RALYL: variants seen among roughly 807,000 people sequenced by gnomAD.
RALYL encodes RALY RNA binding protein like, also known as RNA-binding Raly-like protein.
RALYL carries 29 observed loss-of-function variants against 35.1 expected under a neutral mutation model. That is an observed-to-expected ratio of 0.83 (90% CI 0.61 to 1.13). The LOEUF (loss-of-function observed/expected upper bound fraction) is 1.13. Among genes scored for constraint, RALYL ranks in the 50% most tolerant of loss-of-function variants. The pLI is 0.00. For missense variants in RALYL, 359 were observed against 360.4 expected (o/e 1.00, Z 0.03); for synonymous variants, 120 against 127.6 (o/e 0.94, Z 0.40).
At position 84,195,033 on chromosome 8, in the gene RALYL, C is replaced by T. The variant is rs149394310; in HGVS notation, c.-24+10609C>T. Reference sequence around the variant, plus strand: ...AATAGACACGCTCACATAATTAATGCCCTCACAATAGCTCCCTCTGCACAG... The same window carrying T: ...AATAGACACGCTCACATAATTAATGTCCTCACAATAGCTCCCTCTGCACAG... On this transcript the variant is annotated intron_variant, in intron 1 of 8. Coordinates refer to ENST00000521268, the MANE Select transcript of RALYL (RefSeq NM_173848.7). 4.3e-4 allele frequency among the ~76,000 whole-genome samples: 66 copies of T among 152,090 alleles called. 1 individual carries two copies. The East Asian group carries it at 0.01, about 24-fold the overall frequency.
At chr8:84,454,937 C>T (rs1397563575) in intron 1 of RALYL, among the ~76,000 whole-genome samples, 1 of 152,068 alleles carries the variant, frequency 6.6e-6, no homozygotes, top group Admixed American at 6.6e-5. Flanking sequence ...GTAGAGAATA[C>T]TCTTCACACT....
At chr8:84,750,797 C>T (rs1809800116) in intron 2 of RALYL, among the ~76,000 whole-genome samples, 1 of 152,064 alleles carries the variant, frequency 6.6e-6, no homozygotes, top group African/African-American at 2.4e-5. Context: ...GCATAGGGTC[C>T]CCACTAGCAA....
chr8:84,488,702 TGTAA>T (rs1260861359), intron 1 of RALYL, among the ~76,000 whole-genome samples: 1 of 151,984 alleles, frequency 6.6e-6, no homozygotes, highest in Admixed American at 6.6e-5. Context: ...CATACATTTG[TGTAA>T]GTGAGAGGGC....
At chr8:84,550,755 T>C (rs1454504147) in intron 2 of RALYL, among the ~76,000 whole-genome samples, 1 of 151,880 alleles carries the variant, frequency 6.6e-6, no homozygotes, top group Admixed American at 6.6e-5. Context: ...GACAATTTTC[T>C]GCAATGTTGA....
At chr8:84,536,683 A>G (rs979977441) in intron 2 of RALYL, among the ~76,000 whole-genome samples, 1 of 152,220 alleles carries the variant, frequency 6.6e-6, no homozygotes, top group Non-Finnish European at 1.5e-5. Context: ...ACTTTCAGCA[A>G]TGCACCATTA....
chr8:84,623,352 T>C (rs1023756948), intron 2 of RALYL, among the ~76,000 whole-genome samples: 1 of 152,170 alleles, frequency 6.6e-6, no homozygotes, highest in African/African-American at 2.4e-5. Flanking sequence ...TCACTACCCA[T>C]TTTCACTTCA....
At chr8:84,620,044 A>G (rs1018235195) in intron 2 of RALYL, among the ~76,000 whole-genome samples, 5 of 151,586 alleles carry the variant, frequency 3.3e-5, no homozygotes, top group Non-Finnish European at 7.4e-5. Flanking sequence ...CTTCATTTCA[A>G]CTTTGGTGAA....
At chr8:84,739,304 G>GA (rs1309128381) in intron 2 of RALYL, among the ~76,000 whole-genome samples, 2 of 151,642 alleles carry the variant, frequency 1.3e-5, no homozygotes, top group African/African-American at 4.8e-5. Context: ...ACTGGAAAGA[G>GA]AAAAAAGCTA....
chr8:84,641,520 T>G (rs1477374755), intron 2 of RALYL, among the ~76,000 whole-genome samples: 1 of 151,808 alleles, frequency 6.6e-6, no homozygotes, highest in South Asian at 2.1e-4. Context: ...AGATTTAAAA[T>G]TATACAAAAA....
chr8:84,299,419 CT>C (rs138490693), intron 1 of RALYL, among the ~76,000 whole-genome samples: 1,907 of 151,888 alleles, frequency 0.013, 56 homozygotes, highest in African/African-American at 0.043. Context: ...GGATATTGGC[CT>C]GAAGTTTTAT....
chr8:84,855,745 T>C (rs1232907339), intron 5 of RALYL, among the ~76,000 whole-genome samples: 1 of 152,246 alleles, frequency 6.6e-6, no homozygotes, highest in Non-Finnish European at 1.5e-5. Context: ...GCTGTCTAAA[T>C]CCAACCTCTT....
chr8:84,612,478 G>T (rs1240373187), intron 2 of RALYL, among the ~76,000 whole-genome samples: 1 of 151,972 alleles, frequency 6.6e-6, no homozygotes, highest in East Asian at 1.9e-4. Context: ...GCCAGGACAA[G>T]ACCACTAATG....
chr8:84,705,793 G>A (rs1169398863), intron 2 of RALYL: 6 of 743,324 alleles, frequency 8.1e-6, no homozygotes, highest in Non-Finnish European at 1.2e-5. Flanking sequence ...GATCGGGGGA[G>A]GTGAAGGAAA....
intron 1 of RALYL, among the ~76,000 whole-genome samples, chr8:84,523,342 G>A (rs921019695): frequency 6.9e-6 from 1 of 145,804 alleles, no homozygotes; most frequent in Admixed American, 8.0e-5. Flanking sequence ...CATGAGAACA[G>A]CATGGGGAAA....
At chr8:84,208,625 C>T (rs539698584) in intron 1 of RALYL, among the ~76,000 whole-genome samples, 65 of 152,220 alleles carry the variant, frequency 4.3e-4, no homozygotes, top group Non-Finnish European at 9.0e-4. Flanking sequence ...GCCTTTTGAG[C>T]TCATCCCACA....
At chr8:84,689,413 A>T (rs1031172625) in intron 2 of RALYL, among the ~76,000 whole-genome samples, 3 of 152,150 alleles carry the variant, frequency 2.0e-5, no homozygotes, top group African/African-American at 7.2e-5. Flanking sequence ...TGAACTCATC[A>T]TTTTTATGGC....
intron 2 of RALYL, among the ~76,000 whole-genome samples, chr8:84,614,555 G>C (rs1368758357): frequency 6.6e-6 from 1 of 151,600 alleles, no homozygotes; most frequent in Non-Finnish European, 1.5e-5. Flanking sequence ...ATATTGTATA[G>C]ATTCTCAGGT....
At chr8:84,643,008 G>C (rs1362934989) in intron 2 of RALYL, among the ~76,000 whole-genome samples, 1 of 151,956 alleles carries the variant, frequency 6.6e-6, no homozygotes. Context: ...AAGGAGTAAG[G>C]CTGTAGGTGG....
At chr8:84,197,380 T>G (rs1815584608) in intron 1 of RALYL, among the ~76,000 whole-genome samples, 1 of 152,306 alleles carries the variant, frequency 6.6e-6, no homozygotes, top group South Asian at 2.1e-4. Flanking sequence ...GTTAAAGACA[T>G]GTTTACCCAT....
Sources: gnomAD v4.1 joint callset for allele counts (sites outside exome capture counted in the v4.1 genomes callset) on GRCh38, gnomAD v4.1.1 for gene constraint, MANE v1.5 for transcripts, NCBI Gene and HGNC (gene_info 2026-07-23, HGNC 2026-07-21) for gene names.